SLC4A10: variants seen among roughly 807,000 people sequenced by gnomAD.
The protein encoded by SLC4A10 is sodium-driven chloride bicarbonate exchanger.
SLC4A10 carries 42 observed loss-of-function variants against 137.7 expected under a neutral mutation model. The ratio of observed to expected loss-of-function variants is 0.30; its 90% CI spans 0.24 to 0.39. The LOEUF (loss-of-function observed/expected upper bound fraction) is 0.39, where lower values mean the gene tolerates loss of function less well. SLC4A10 is among the 10% of genes least tolerant of loss of function. SLC4A10 has a pLI of 1.00. For missense variants in SLC4A10, 925 were observed against 1,355.0 expected (o/e 0.68, Z 4.98); for synonymous variants, 474 against 464.1 (o/e 1.02, Z -0.27).
intron 1 of SLC4A10, among the ~76,000 whole-genome samples, chr2:161,769,636 TA>T (rs1257992951): frequency 6.6e-6 from 1 of 151,906 alleles, no homozygotes; most frequent in Non-Finnish European, 1.5e-5. Flanking sequence ...CATTGGAAAA[TA>T]ATTTTGCATC....
intron 1 of SLC4A10, among the ~76,000 whole-genome samples, chr2:161,697,532 C>T (rs552010730): frequency 3.3e-5 from 5 of 151,510 alleles, no homozygotes; most frequent in South Asian, 2.1e-4. Flanking sequence ...ATGGCTAGCC[C>T]GTTTTCCCAG....
At chr2:161,821,345 T>G (rs1237968715) in intron 3 of SLC4A10, among the ~76,000 whole-genome samples, 1 of 152,234 alleles carries the variant, frequency 6.6e-6, no homozygotes, top group African/African-American at 2.4e-5. Flanking sequence ...TTTTAGTATA[T>G]ATAGAAGCAG....
chr2:161,821,181 G>T (rs2057587873), intron 3 of SLC4A10, among the ~76,000 whole-genome samples: 1 of 152,074 alleles, frequency 6.6e-6, no homozygotes, highest in African/African-American at 2.4e-5. Flanking sequence ...TTAGTTTTAT[G>T]TGTTTTAAAT....
chr2:161,790,862 A>C (rs2054121597), intron 2 of SLC4A10, among the ~76,000 whole-genome samples: 1 of 152,236 alleles, frequency 6.6e-6, no homozygotes, highest in Non-Finnish European at 1.5e-5. Context: ...GACATAGGAA[A>C]AAAAAGCTCA....
chr2:161,823,853 A>C (rs776982712), intron 3 of SLC4A10, among the ~76,000 whole-genome samples: 6 of 152,238 alleles, frequency 3.9e-5, no homozygotes, highest in Non-Finnish European at 5.9e-5. Context: ...TTTAAAGCAG[A>C]AAGGAATAGG....
chr2:161,927,394 T>A (rs2105574384), intron 15 of SLC4A10, among the ~76,000 whole-genome samples: 1 of 152,306 alleles, frequency 6.6e-6, no homozygotes, highest in Non-Finnish European at 1.5e-5. Flanking sequence ...TCTCAAGCCT[T>A]GGCTTTCAGC....
chr2:161,844,547 A>T (rs1401121814), intron 4 of SLC4A10, among the ~76,000 whole-genome samples: 4 of 152,046 alleles, frequency 2.6e-5, no homozygotes, highest in Non-Finnish European at 5.9e-5. Context: ...ATAATTTTGG[A>T]TGATATAATA....
rs1336991912 is a variant in SLC4A10 at position 161,984,260 on chromosome 2, T to C, written c.*1108T>C. Reference sequence around the variant, plus strand: ...AAAAACAGTCTTTTAAAATGAAATTTCAGATTCCATTTGAGAAGGTTCTGT... The same window carrying C: ...AAAAACAGTCTTTTAAAATGAAATTCCAGATTCCATTTGAGAAGGTTCTGT... On this transcript the variant is annotated 3_prime_UTR_variant, in exon 27 of 27. Coordinates refer to ENST00000446997, the MANE Select transcript of SLC4A10 (RefSeq NM_001178015.2). 1 of 152,152 alleles carries C rather than the reference T, an allele frequency of 6.6e-6. No individual in the cohort carries two copies. The highest frequency in any genetic ancestry group is 1.5e-5 in the Non-Finnish European group (1 of 68,012). The allele number at this position is 152,152 out of a possible 1,614,324, so 9.4% of individuals were successfully genotyped here.
chr2:161,921,748 A>G (rs1688175354), intron 15 of SLC4A10, among the ~76,000 whole-genome samples: 1 of 152,246 alleles, frequency 6.6e-6, no homozygotes, highest in South Asian at 2.1e-4. Flanking sequence ...TATCACATAT[A>G]CAATAAACGG....
intron 15 of SLC4A10, among the ~76,000 whole-genome samples, chr2:161,910,675 T>C (rs1395667258): frequency 6.6e-6 from 1 of 152,108 alleles, no homozygotes; most frequent in Non-Finnish European, 1.5e-5. Flanking sequence ...AATATAATGA[T>C]TACCAAGCTG....
intron 1 of SLC4A10, among the ~76,000 whole-genome samples, chr2:161,762,673 T>C (rs2050375741): frequency 6.6e-6 from 1 of 152,142 alleles, no homozygotes; most frequent in Non-Finnish European, 1.5e-5. Context: ...ATCCATTATT[T>C]AATGAAACAG....
chr2:161,627,030 T>C (rs2032528830), intron 1 of SLC4A10, among the ~76,000 whole-genome samples: 1 of 152,168 alleles, frequency 6.6e-6, no homozygotes. Flanking sequence ...AGTTACAGTT[T>C]CTTCAACTGA....
intron 1 of SLC4A10, among the ~76,000 whole-genome samples, chr2:161,750,402 A>G (rs1186191879): frequency 6.6e-6 from 1 of 151,142 alleles, no homozygotes; most frequent in African/African-American, 2.4e-5. Context: ...CTCTCTTAGT[A>G]CTGTTTTTGC....
At chr2:161,791,580 C>G (rs1574985856) in intron 2 of SLC4A10, among the ~76,000 whole-genome samples, 1 of 152,212 alleles carries the variant, frequency 6.6e-6, no homozygotes, top group South Asian at 2.1e-4. Flanking sequence ...ACACATTTAC[C>G]TATGCAACAA....
At chr2:161,844,437 T>C (rs1441623365) in intron 4 of SLC4A10, among the ~76,000 whole-genome samples, 3 of 152,042 alleles carry the variant, frequency 2.0e-5, no homozygotes, top group African/African-American at 7.2e-5. Flanking sequence ...AGGTATTCTT[T>C]GATTACATGT....
intron 1 of SLC4A10, among the ~76,000 whole-genome samples, chr2:161,683,475 T>C (rs1574324305): frequency 6.6e-6 from 1 of 152,098 alleles, no homozygotes; most frequent in Admixed American, 6.6e-5. Flanking sequence ...ACGGTTGTAT[T>C]AATTGTAGCA....
chr2:161,804,611 C>G lies in SLC4A10; in HGVS notation c.277+16C>G, dbSNP rs1440442292. 1 of 1,592,242 alleles carries G rather than the reference C, an allele frequency of 6.3e-7. No homozygotes were observed. Among genetic ancestry groups the G allele is most frequent in the East Asian group, 2.3e-5 (1 of 44,048 alleles). On this transcript the variant is annotated intron_variant, in intron 3 of 26. Transcript: ENST00000446997. ...CCTTCTTTTGGTAAGAATCCTTCTCCTTGTTTTTATTAAGTTAATTATTGT... is the reference window on the plus strand; with the variant it reads ...CCTTCTTTTGGTAAGAATCCTTCTCGTTGTTTTTATTAAGTTAATTATTGT...
intron 4 of SLC4A10, among the ~76,000 whole-genome samples, chr2:161,846,072 A>G (rs1055709266): frequency 6.6e-6 from 1 of 152,270 alleles, no homozygotes; most frequent in East Asian, 1.9e-4. Flanking sequence ...TGTAAACCAG[A>G]TATTCAACAA....
chr2:161,952,826 T>A (rs1695035157), intron 19 of SLC4A10, among the ~76,000 whole-genome samples: 1 of 152,194 alleles, frequency 6.6e-6, no homozygotes, highest in African/African-American at 2.4e-5. Context: ...ATGCTACTGG[T>A]TTTCCCGTTA....
Sources: gnomAD v4.1 joint callset for allele counts (sites outside exome capture counted in the v4.1 genomes callset) on GRCh38, gnomAD v4.1.1 for gene constraint, MANE v1.5 for transcripts, NCBI Gene and HGNC (gene_info 2026-07-23, HGNC 2026-07-21) for gene names.